DNAH17: variants seen among roughly 807,000 people sequenced by gnomAD.
The protein encoded by DNAH17 is axonemal beta dynein heavy chain 17.
In DNAH17, 376 loss-of-function variants were observed where a neutral mutation model predicts 485.6. That is an observed-to-expected ratio of 0.77 (90% CI 0.71 to 0.84). DNAH17 has a LOEUF of 0.84. DNAH17 is among the 40% of genes least tolerant of loss of function. The pLI, the probability that DNAH17 is intolerant of heterozygous loss-of-function variation, is 0.00. For synonymous variants in DNAH17, 3,031 were observed against 2,405.9 expected (o/e 1.26, Z -7.60); for missense variants, 6,370 against 5,839.3 (o/e 1.09, Z -2.96).
chr17:78,452,600 C>T (rs1035443527), intron 65 of DNAH17, among the ~76,000 whole-genome samples: 1 of 152,046 alleles, frequency 6.6e-6, no homozygotes, highest in Non-Finnish European at 1.5e-5. Context: ...TAGCTGGGCA[C>T]GTTGGTGTGT....
In DNAH17 at chr17:78,532,521, G is replaced by T. The variant is rs943487546; in HGVS notation, c.3075C>A (p.Ile1025=). 1.2e-6 allele frequency: 2 copies of T among 1,611,318 alleles called. No individual in the cohort carries two copies. The highest frequency in any genetic ancestry group is 1.7e-6 in the Non-Finnish European group (2 of 1,179,090). The change falls in exon 20 of 81, where the codon ATC becomes ATA. Residue 1025 remains isoleucine, a synonymous_variant. Transcript: ENST00000389840. ...EDLDTWTDDT[I]PKTPPTLAQF... is the part of the protein sequence containing the mutation. Reference sequence around the variant, plus strand: ...GAGCCAGGGTGGGCGGTGTCTTGGGGATGGTGTCATCTGTCCAGGTGTCCA... The same window carrying T: ...GAGCCAGGGTGGGCGGTGTCTTGGGTATGGTGTCATCTGTCCAGGTGTCCA...
intron 16 of DNAH17, among the ~76,000 whole-genome samples, chr17:78,544,627 CCT>C (rs1293190326): frequency 6.6e-6 from 1 of 151,824 alleles, no homozygotes; most frequent in Non-Finnish European, 1.5e-5. Flanking sequence ...ACGGTGAAAC[CCT>C]GTCTCTACTA....
At chr17:78,516,556 G>T (rs1163866137) in intron 25 of DNAH17, among the ~76,000 whole-genome samples, 2 of 152,196 alleles carry the variant, frequency 1.3e-5, no homozygotes, top group Non-Finnish European at 2.9e-5. Flanking sequence ...CGGGCGTGAT[G>T]GCAGGTGCCT....
chr17:78,538,955 G>A (rs1187671425), intron 18 of DNAH17, among the ~76,000 whole-genome samples: 1 of 152,180 alleles, frequency 6.6e-6, no homozygotes, highest in East Asian at 1.9e-4. Flanking sequence ...ATGCAGGGCT[G>A]GGCACAGTGG....
At chr17:78,538,327 A>C (rs995413987) in intron 18 of DNAH17, among the ~76,000 whole-genome samples, 5 of 152,142 alleles carry the variant, frequency 3.3e-5, no homozygotes, top group African/African-American at 1.2e-4. Flanking sequence ...GCAGGGCTGC[A>C]GGTGCTGCTC....
At chr17:78,440,690 G>A (rs1292574769) in intron 72 of DNAH17, among the ~76,000 whole-genome samples, 2 of 152,206 alleles carry the variant, frequency 1.3e-5, no homozygotes, top group Admixed American at 6.5e-5. Context: ...ATGAATGAAC[G>A]TCTGTGTAGA....
rs541828440 is a variant in DNAH17, at chr17:78,514,488, A to T, written c.4113+286T>A. The stretch of plus-strand genomic sequence containing the variant: ...CCACTGCACTCCAACCTGGTGACAG[A>T]ACTAGACTCCGTCTCAAAAAAAAAA... On this transcript the variant is annotated intron_variant, in intron 26 of 80. Transcript: ENST00000389840. 3.7e-4 allele frequency among the ~76,000 whole-genome samples: 53 copies of T among 142,126 alleles called. 2 individuals are homozygous for T. The Middle Eastern group carries it at 0.011, about 29-fold the overall frequency. 93.2% of individuals were successfully genotyped at this position (142,126 alleles called of 152,430 possible). A position where few individuals can be genotyped will look rare whatever the true frequency, so the allele number is the denominator to read the frequency against.
rs932219567 is a variant in DNAH17, at chr17:78,524,327, G to A, written c.3864+682C>T. 5.9e-5 allele frequency among the ~76,000 whole-genome samples: 9 copies of A among 152,210 alleles called. No homozygotes were observed. In the East Asian group the frequency reaches 9.7e-4, roughly 16 times the overall value. On this transcript the variant is annotated intron_variant, in intron 25 of 80. Coordinates refer to ENST00000389840, the MANE Select transcript of DNAH17 (RefSeq NM_173628.4). ...TAATTTTCGTATTTTTCGTAGAGAC[G>A]GGGTTTCATCATGTTGGCTAGGCTG...
At chr17:78,443,106 C>T (rs1376408046) in intron 71 of DNAH17, among the ~76,000 whole-genome samples, 1 of 152,206 alleles carries the variant, frequency 6.6e-6, no homozygotes, top group African/African-American at 2.4e-5. Context: ...AATGCTTCCG[C>T]AGTGGGTGGC....
At chr17:78,449,985 G>C in intron 68 of DNAH17, 1 of 522,622 alleles carries the variant, frequency 1.9e-6, no homozygotes, top group Non-Finnish European at 3.4e-6. Context: ...CATCCAGTTT[G>C]TTTTGATTGG....
At chr17:78,518,695 C>T (rs74480872) in intron 25 of DNAH17, among the ~76,000 whole-genome samples, 204 of 152,236 alleles carry the variant, frequency 1.3e-3, no homozygotes, top group African/African-American at 4.5e-3. Context: ...AAGCAGAATA[C>T]GCATTCTGTT....
chr17:78,569,454 A>ATGCC lies in DNAH17; in HGVS notation c.1114_1117dup (p.Ile373ArgfsTer28), dbSNP rs1362134090. 1.2e-6 allele frequency: 2 copies of ATGCC among 1,612,186 alleles called. No homozygotes were observed. Among genetic ancestry groups the ATGCC allele is most frequent in the South Asian group, 2.2e-5 (2 of 90,594 alleles). On this transcript the variant is annotated frameshift_variant, in exon 8 of 81. Transcript: ENST00000389840. LOFTEE classifies it high-confidence loss of function. The stretch of plus-strand genomic sequence containing the variant: ...CTTCAGCACATTTACAGCCAGGGAG[A>ATGCC]TGCCACTCAGGACTTCCTCGATTTC...
In DNAH17 at chr17:78,454,732, AG is replaced by A. The variant is rs767512151; in HGVS notation, c.10171-28del. 21 of 1,584,754 alleles carry A rather than the reference AG, an allele frequency of 1.3e-5. No homozygotes were observed. In the East Asian group the frequency reaches 4.0e-4, roughly 30 times the overall value. The stretch of plus-strand genomic sequence containing the variant: ...TGCCCAGGGAGGCACACTTTCTTAG[AG>A]GGGGTAATGCGACCTTATTACTTAC... On this transcript the variant is annotated intron_variant, in intron 63 of 80. Transcript: ENST00000389840.
At chr17:78,536,898 G>A (rs1482284057) in intron 19 of DNAH17, among the ~76,000 whole-genome samples, 1 of 152,040 alleles carries the variant, frequency 6.6e-6, no homozygotes, top group African/African-American at 2.4e-5. Context: ...AAGCAGGGCC[G>A]GGCGCGGTGG....
At chr17:78,572,574 T>C (rs2092374797) in intron 3 of DNAH17, 127 bp downstream of exon 3, 1 of 908,960 alleles carries the variant, frequency 1.1e-6, no homozygotes. Flanking sequence ...TTCCCCGGCT[T>C]TAACATGTGA....
chr17:78,458,422 ATTAC>A lies in DNAH17; in HGVS notation c.9977+139_9977+142del, dbSNP rs1201254003. The A allele has an allele frequency of 5.9e-6, 4 of 682,866 alleles. No individual in the cohort carries two copies. In the African/African-American group the frequency reaches 7.2e-5, roughly 12 times the overall value. The allele number at this position is 682,866 out of a possible 1,614,324, so 42.3% of individuals were successfully genotyped here. The stretch of plus-strand genomic sequence containing the variant: ...ATGCAAGAGGCCAAGTTTTATCCTA[ATTAC>A]TTTGAGCTCAAGAAGTGAAAGTGGC... On this transcript the variant is annotated intron_variant, in intron 62 of 80. Coordinates refer to ENST00000389840, the MANE Select transcript of DNAH17 (RefSeq NM_173628.4).
In DNAH17 at chr17:78,484,957, G is replaced by A. The variant is rs567306091; in HGVS notation, c.7560C>T (p.Phe2520=). Residue 2520 remains phenylalanine, a synonymous_variant, in exon 48 of 81, where the codon TTC becomes TTT. Transcript: ENST00000389840. ...GPPGTKKLVY[F]IDDMNMPEVD... is the part of the protein sequence containing the mutation. ...CCTCGGGCATGTTCATGTCGTCGAT[G>A]AAGTAGACGAGCTTCTTAGTGCCTG... 9.3e-6 allele frequency: 15 copies of A among 1,613,096 alleles called. No individual in the cohort carries two copies. The East Asian group carries it at 1.3e-4, about 14-fold the overall frequency.
intron 76 of DNAH17, 75 bp from the exon 77 acceptor site, chr17:78,428,782 C>T: frequency 6.4e-7 from 1 of 1,551,516 alleles, no homozygotes; most frequent in Non-Finnish European, 8.8e-7. Context: ...GTTAAGCATT[C>T]CTTGCCAGAA....
At chr17:78,566,790 C>CT in intron 10 of DNAH17, 60 bp from the exon 11 acceptor site, 3 of 1,416,798 alleles carry the variant, frequency 2.1e-6, no homozygotes, top group Non-Finnish European at 2.9e-6. Context: ...CAAGGGCACC[C>CT]TCTCCAGCCC....
Sources: gnomAD v4.1 joint callset for allele counts (sites outside exome capture counted in the v4.1 genomes callset) on GRCh38, gnomAD v4.1.1 for gene constraint, MANE v1.5 for transcripts, NCBI Gene and HGNC (gene_info 2026-07-23, HGNC 2026-07-21) for gene names.